PREX2: variants seen among roughly 807,000 people sequenced by gnomAD.
The protein encoded by PREX2 is phosphatidylinositol 3,4,5-trisphosphate-dependent Rac exchanger 2 protein.
PREX2 carries 107 observed loss-of-function variants against 203.2 expected under a neutral mutation model. The observed-to-expected ratio is 0.53, with a 90% CI of 0.45 to 0.62. The LOEUF (loss-of-function observed/expected upper bound fraction) is 0.62, where lower values mean the gene tolerates loss of function less well. Among genes scored for constraint, PREX2 ranks in the 20% least tolerant of loss-of-function variants. The pLI is 0.00. For missense variants in PREX2, 1,777 were observed against 1,955.9 expected (o/e 0.91, Z 1.72); for synonymous variants, 672 against 663.6 (o/e 1.01, Z -0.19).
At chr8:68,060,553 A>T in intron 10 of PREX2, 126 bp from the exon 11 acceptor site, 1 of 644,294 alleles carries the variant, frequency 1.6e-6, no homozygotes, top group East Asian at 2.8e-5. Flanking sequence ...ATCTGTTGAA[A>T]TGTGTTGCAA....
intron 35 of PREX2, among the ~76,000 whole-genome samples, chr8:68,176,205 T>G (rs1186348771): frequency 6.6e-6 from 1 of 152,154 alleles, no homozygotes; most frequent in East Asian, 1.9e-4. Context: ...CAATGAGAGA[T>G]GACAGAGGAA....
intron 33 of PREX2, 102 bp from the exon 34 acceptor site, chr8:68,146,107 T>A (rs982134791): frequency 2.5e-5 from 18 of 725,736 alleles, no homozygotes; most frequent in Non-Finnish European, 3.8e-5. Context: ...GTTTAATATA[T>A]TGGTGTCGAG....
intron 8 of PREX2, 80 bp downstream of exon 8, chr8:68,044,670 A>G (rs1377951114): frequency 4.1e-6 from 4 of 972,412 alleles, no homozygotes; most frequent in African/African-American, 3.2e-5. Context: ...TCACTTGGAT[A>G]ATTCACCTGC....
chr8:68,184,595 T>C (rs1193011454), intron 35 of PREX2, among the ~76,000 whole-genome samples: 1 of 152,204 alleles, frequency 6.6e-6, no homozygotes, highest in Non-Finnish European at 1.5e-5. Context: ...ATTATAAATA[T>C]GGAGAATATC....
chr8:67,984,758 C>T (rs983329284), intron 1 of PREX2, among the ~76,000 whole-genome samples: 1 of 152,166 alleles, frequency 6.6e-6, no homozygotes, highest in Non-Finnish European at 1.5e-5. Flanking sequence ...CTCGAATGCA[C>T]AAGCTGATCA....
intron 25 of PREX2, among the ~76,000 whole-genome samples, chr8:68,115,483 C>T (rs1810635992): frequency 6.6e-6 from 1 of 152,216 alleles, no homozygotes; most frequent in South Asian, 2.1e-4. Context: ...ACAAAACTAT[C>T]ACAGCTTTGT....
At chr8:68,220,647 G>C (rs1048758539) in intron 38 of PREX2, among the ~76,000 whole-genome samples, 1 of 152,126 alleles carries the variant, frequency 6.6e-6, no homozygotes, top group Admixed American at 6.5e-5. Context: ...CAACCTCAGT[G>C]TATCAAGACT....
intron 37 of PREX2, among the ~76,000 whole-genome samples, chr8:68,199,128 G>A (rs558677974): frequency 1.9e-4 from 27 of 140,482 alleles, no homozygotes; most frequent in African/African-American, 7.4e-4. Context: ...AGGCCTTGCT[G>A]CATTGGCATG....
chr8:68,130,099 G>A (rs531684997), intron 31 of PREX2, among the ~76,000 whole-genome samples: 1 of 135,548 alleles, frequency 7.4e-6, no homozygotes, highest in Non-Finnish European at 1.5e-5. Context: ...ATATCATAGT[G>A]AGGCCCTGCC....
chr8:68,168,236 A>C (rs1243381151), intron 35 of PREX2, among the ~76,000 whole-genome samples: 1 of 152,166 alleles, frequency 6.6e-6, no homozygotes, highest in African/African-American at 2.4e-5. Flanking sequence ...TCTCTCCACA[A>C]ATATATGTGT....
intron 11 of PREX2, among the ~76,000 whole-genome samples, chr8:68,063,166 C>A (rs1437533492): frequency 6.6e-6 from 1 of 152,056 alleles, no homozygotes; most frequent in Non-Finnish European, 1.5e-5. Context: ...AAAATGCTAA[C>A]AAGCATATAT....
rs545956615 is a variant in PREX2, at chr8:68,024,131, G to A, written c.441+1991G>A. Among the ~76,000 whole-genome samples the A allele has an allele frequency of 7.9e-5, 12 of 151,898 alleles. No homozygotes were observed. The South Asian group carries it at 2.5e-3, about 32-fold the overall frequency. ...TAGTAGATGTTCTTTCTTATGTTTA[G>A]TAACTTATTATATTTCTAGTTCATA... On this transcript the variant is annotated intron_variant, in intron 4 of 39. Coordinates refer to ENST00000288368, the MANE Select transcript of PREX2 (RefSeq NM_024870.4).
intron 35 of PREX2, among the ~76,000 whole-genome samples, chr8:68,163,706 C>T (rs1471456506): frequency 6.6e-6 from 1 of 152,016 alleles, no homozygotes; most frequent in African/African-American, 2.4e-5. Flanking sequence ...TGGATTCTCC[C>T]CTCACAAAGA....
intron 11 of PREX2, among the ~76,000 whole-genome samples, chr8:68,065,417 T>A (rs1808986795): frequency 6.6e-6 from 1 of 152,244 alleles, no homozygotes; most frequent in South Asian, 2.1e-4. Context: ...CAGGCTTTTT[T>A]ACGTATGACT....
At chr8:68,126,607 T>A (rs116291811) in intron 30 of PREX2, among the ~76,000 whole-genome samples, 3,098 of 152,224 alleles carry the variant, frequency 0.02, 108 homozygotes, top group African/African-American at 0.07. Context: ...CTGACTCTAC[T>A]GTGAATCTGT....
At chr8:68,088,120 T>C (rs1447065346) in intron 19 of PREX2, among the ~76,000 whole-genome samples, 1 of 152,194 alleles carries the variant, frequency 6.6e-6, no homozygotes, top group African/African-American at 2.4e-5. Flanking sequence ...TTCAAGTAAT[T>C]GTATTTCTTT....
At chr8:68,209,087 AAAAG>A (rs1248151258) in intron 37 of PREX2, among the ~76,000 whole-genome samples, 41 of 151,452 alleles carry the variant, frequency 2.7e-4, no homozygotes, top group African/African-American at 8.5e-4. Flanking sequence ...AAAAAAAAAA[AAAAG>A]AAAGAAAAAA....
At chr8:68,121,460 CATT>C (rs1294312749) in intron 30 of PREX2, among the ~76,000 whole-genome samples, 2 of 151,996 alleles carry the variant, frequency 1.3e-5, no homozygotes, top group Non-Finnish European at 2.9e-5. Flanking sequence ...TAGGTTGCAT[CATT>C]GATTTTTAAG....
chr8:68,055,774 G>A (rs1441194588), intron 9 of PREX2, 56 bp from the exon 10 acceptor site: 6 of 1,494,322 alleles, frequency 4.0e-6, no homozygotes, highest in Non-Finnish European at 4.6e-6. Flanking sequence ...AGCCATAACT[G>A]AATGAATGAA....
Sources: gnomAD v4.1 joint callset for allele counts (sites outside exome capture counted in the v4.1 genomes callset) on GRCh38, gnomAD v4.1.1 for gene constraint, MANE v1.5 for transcripts, NCBI Gene and HGNC (gene_info 2026-07-23, HGNC 2026-07-21) for gene names.